The following PRKD1 variants were observed in gnomAD, a reference collection of about 807,000 sequenced individuals.
PRKD1 encodes protein kinase D1.
Under a neutral mutation model 95.9 loss-of-function variants are expected in PRKD1, and 63 were observed. The ratio of observed to expected loss-of-function variants is 0.66; its 90% CI spans 0.54 to 0.81. The LOEUF (loss-of-function observed/expected upper bound fraction) is 0.81. PRKD1 is among the 30% of genes least tolerant of loss of function. The pLI, the probability that PRKD1 is intolerant of heterozygous loss-of-function variation, is 0.00. For synonymous variants in PRKD1, 425 were observed against 423.1 expected, an observed-to-expected ratio of 1.00 and a Z score of -0.05; for missense variants, 1,048 against 1,165.3, an observed-to-expected ratio of 0.90 and a Z score of 1.47.
intron 1 of PRKD1, among the ~76,000 whole-genome samples, chr14:29,871,822 A>G (rs566905923): frequency 3.9e-5 from 6 of 152,218 alleles, no homozygotes; most frequent in African/African-American, 1.2e-4. Context: ...GTATTAACCT[A>G]CTTTCCAAAA....
At chr14:29,864,341 T>A (rs992454729) in intron 1 of PRKD1, among the ~76,000 whole-genome samples, 2 of 152,078 alleles carry the variant, frequency 1.3e-5, no homozygotes, top group African/African-American at 4.8e-5. Flanking sequence ...AATCATGGAA[T>A]CTCAACTTAC....
At chr14:29,642,166 A>T (rs1475598810) in intron 4 of PRKD1, among the ~76,000 whole-genome samples, 2 of 152,064 alleles carry the variant, frequency 1.3e-5, no homozygotes, top group Non-Finnish European at 2.9e-5. Context: ...AGCCTCCCAA[A>T]GTGCTGGGAT....
chr14:29,795,562 A>G (rs1566606025), intron 1 of PRKD1, among the ~76,000 whole-genome samples: 1 of 152,130 alleles, frequency 6.6e-6, no homozygotes, highest in East Asian at 1.9e-4. Context: ...ATGAGTAAAC[A>G]TTTTGGTGAC....
intron 4 of PRKD1, among the ~76,000 whole-genome samples, chr14:29,643,561 A>C (rs969093998): frequency 6.6e-6 from 1 of 152,346 alleles, no homozygotes; most frequent in Non-Finnish European, 1.5e-5. Context: ...TTAATGACTC[A>C]GCAAGTTTGC....
chr14:29,658,197 T>A (rs1486701719), intron 4 of PRKD1, among the ~76,000 whole-genome samples: 1 of 152,188 alleles, frequency 6.6e-6, no homozygotes, highest in East Asian at 1.9e-4. Context: ...TGGGCCGTCG[T>A]CACAATTCAA....
chr14:29,750,291 T>C (rs562223864), intron 1 of PRKD1, among the ~76,000 whole-genome samples: 1 of 152,312 alleles, frequency 6.6e-6, no homozygotes, highest in East Asian at 1.9e-4. Flanking sequence ...ACTGCAACTT[T>C]ACGTAAAATA....
At position 29,634,444 on chromosome 14, in the gene PRKD1, C is replaced by A; in HGVS notation, c.1288G>T (p.Val430Phe). The A allele has an allele frequency of 6.2e-7, 1 of 1,614,064 alleles. No individual in the cohort carries two copies. Among genetic ancestry groups the A allele is most frequent in the South Asian group, 1.1e-5 (1 of 91,084 alleles). ...AGCGTGTCCTTGCTGGTGTAGTGGA[C>A]CATCCATCCTTCTTTCATGACTGTG... is the stretch of plus-strand genomic sequence containing the variant. ...SSTVMKEGWM[V>F]HYTSKDTLRK... Residue 430 changes from valine (V) to phenylalanine (F), a missense_variant, in exon 8 of 18, where the codon GTC becomes TTC. Coordinates refer to ENST00000331968, the MANE Select transcript of PRKD1 (RefSeq NM_002742.3).
At chr14:29,856,599 A>G (rs982315073) in intron 1 of PRKD1, among the ~76,000 whole-genome samples, 3 of 152,180 alleles carry the variant, frequency 2.0e-5, no homozygotes, top group Non-Finnish European at 2.9e-5. Flanking sequence ...GGAACCAATC[A>G]ATGTATCGTG....
In PRKD1 at chr14:29,706,275, C is replaced by T. The variant is rs932867136; in HGVS notation, c.403+19261G>A. On this transcript the variant is annotated intron_variant, in intron 2 of 17. Coordinates refer to ENST00000331968, the MANE Select transcript of PRKD1 (RefSeq NM_002742.3). ...TAAATGTCTATTCAAATTCTTTGCC[C>T]ATTTTATAAAATTGGTTTCCCCATT... Among the ~76,000 whole-genome samples the T allele has an allele frequency of 3.9e-5, 6 of 152,084 alleles. No homozygotes were observed. The South Asian group carries it at 1.2e-3, about 32-fold the overall frequency.
At chr14:29,702,240 TTTTAAG>T (rs1434489613) in intron 2 of PRKD1, among the ~76,000 whole-genome samples, 3 of 152,144 alleles carry the variant, frequency 2.0e-5, no homozygotes, top group Non-Finnish European at 4.4e-5. Flanking sequence ...GTGTAAGAGC[TTTTAAG>T]TTTAATTTCT....
intron 1 of PRKD1, among the ~76,000 whole-genome samples, chr14:29,795,250 C>T (rs1233978253): frequency 6.6e-6 from 1 of 151,782 alleles, no homozygotes; most frequent in Non-Finnish European, 1.5e-5. Context: ...ATCTAAGCCC[C>T]ATTGCTTTTG....
At chr14:29,877,020 T>C (rs903796233) in intron 1 of PRKD1, among the ~76,000 whole-genome samples, 2 of 151,908 alleles carry the variant, frequency 1.3e-5, no homozygotes, top group Non-Finnish European at 2.9e-5. Context: ...GGTGTGGTGG[T>C]GTGTGCCTGT....
chr14:29,853,795 T>A (rs899563946), intron 1 of PRKD1, among the ~76,000 whole-genome samples: 1 of 152,210 alleles, frequency 6.6e-6, no homozygotes, highest in Non-Finnish European at 1.5e-5. Context: ...GGTTGAATCA[T>A]GGGCGCAGGT....
intron 1 of PRKD1, among the ~76,000 whole-genome samples, chr14:29,802,038 C>A (rs1890055306): frequency 6.6e-6 from 1 of 151,258 alleles, no homozygotes; most frequent in African/African-American, 2.4e-5. Flanking sequence ...ACATTCCTGG[C>A]AAATAGTATA....
At position 29,776,416 on chromosome 14, in the gene PRKD1, C is replaced by T. The variant is rs148706548; in HGVS notation, c.265-50742G>A. On this transcript the variant is annotated intron_variant, in intron 1 of 17. Transcript: ENST00000331968. Reference sequence around the variant, plus strand: ...CCTTGAAAAAAGATTACACGAATGGCTAACTAGAATAAGTAGTGTAGAGAA... The same window carrying T: ...CCTTGAAAAAAGATTACACGAATGGTTAACTAGAATAAGTAGTGTAGAGAA... Among the ~76,000 whole-genome samples, 20 of 152,210 alleles carry T rather than the reference C, an allele frequency of 1.3e-4. 2 individuals carry two copies. In the East Asian group the frequency reaches 3.7e-3, roughly 28 times the overall value.
chr14:29,898,761 C>T (rs1958983), intron 1 of PRKD1, among the ~76,000 whole-genome samples: 9,878 of 152,262 alleles, frequency 0.065, 389 homozygotes, highest in South Asian at 0.11. Context: ...ATTACATCAG[C>T]TGTGTCCACA....
At chr14:29,797,400 A>C (rs1889864378) in intron 1 of PRKD1, among the ~76,000 whole-genome samples, 1 of 152,222 alleles carries the variant, frequency 6.6e-6, no homozygotes, top group Non-Finnish European at 1.5e-5. Context: ...TCACTGGTTC[A>C]ATTTGATGTT....
chr14:29,621,178 T>C (rs1162314888), intron 13 of PRKD1, among the ~76,000 whole-genome samples: 1 of 117,300 alleles, frequency 8.5e-6, no homozygotes, highest in Non-Finnish European at 1.7e-5. Flanking sequence ...AACATCACAC[T>C]CTGGGGACTG....
At chr14:29,725,454 T>C in intron 2 of PRKD1, 82 bp downstream of exon 2, 1 of 1,495,902 alleles carries the variant, frequency 6.7e-7, no homozygotes, top group African/African-American at 1.4e-5. Flanking sequence ...GCTTTTTATG[T>C]TTCCTTAAAA....
Sources: allele counts gnomAD v4.1 joint callset (sites outside exome capture counted in the v4.1 genomes callset), GRCh38; gene constraint gnomAD v4.1.1; transcripts MANE v1.5; gene names NCBI Gene and HGNC (gene_info 2026-07-23, HGNC 2026-07-21).